UNC79: variants seen among roughly 807,000 people sequenced by gnomAD.
UNC79 encodes the protein unc-79 subunit of NALCN channel complex.
Under a neutral mutation model 283.1 loss-of-function variants are expected in UNC79, and 37 were observed. That is an observed-to-expected ratio of 0.13 (90% CI 0.10 to 0.17). The LOEUF is 0.17. UNC79 is among the 10% of genes least tolerant of loss of function. The probability of loss-of-function intolerance (pLI) is 1.00; values close to 1 mark genes in which losing one functional copy is unlikely to be tolerated. For synonymous variants in UNC79, 1,107 were observed against 1,200.2 expected (o/e 0.92, Z 1.61); for missense variants, 2,272 against 3,211.1 (o/e 0.71, Z 7.07).
chr14:93,505,735 T>C (rs1203604842), intron 7 of UNC79, among the ~76,000 whole-genome samples: 1 of 151,596 alleles, frequency 6.6e-6, no homozygotes, highest in Non-Finnish European at 1.5e-5. Context: ...TCTCTCTTTT[T>C]TTTTTGCCTC....
chr14:93,682,686 G>A (rs752770328), exon 42 of UNC79: 1 of 1,613,940 alleles, frequency 6.2e-7, no homozygotes, highest in Non-Finnish European at 8.5e-7. Context: ...GATAGCCTCT[G>A]TACCTGGAGT....
chr14:93,550,763 T>C (rs1463041330), intron 14 of UNC79, among the ~76,000 whole-genome samples: 4 of 152,100 alleles, frequency 2.6e-5, no homozygotes, highest in Admixed American at 6.5e-5. Context: ...CCATTTAGAA[T>C]AGAGGTCTCT....
intron 38 of UNC79, 21 bp from the exon 42 acceptor site, chr14:93,659,172 T>G: frequency 1.3e-6 from 2 of 1,580,252 alleles, no homozygotes; most frequent in Non-Finnish European, 1.7e-6. Context: ...AATTTTTACT[T>G]TTTTTCATAT....
At chr14:93,541,848 A>G (rs2061388967) in intron 13 of UNC79, among the ~76,000 whole-genome samples, 1 of 152,098 alleles carries the variant, frequency 6.6e-6, no homozygotes, top group Non-Finnish European at 1.5e-5. Context: ...GACTAAAAAT[A>G]CAAAATATTA....
At chr14:93,520,222 C>A (rs953227745) in intron 7 of UNC79, among the ~76,000 whole-genome samples, 1 of 151,842 alleles carries the variant, frequency 6.6e-6, no homozygotes, top group Non-Finnish European at 1.5e-5. Flanking sequence ...TTAAAGATGT[C>A]GTTCCATTGT....
chr14:93,453,291 A>G (rs911009391), intron 1 of UNC79, among the ~76,000 whole-genome samples: 1 of 152,198 alleles, frequency 6.6e-6, no homozygotes, highest in Non-Finnish European at 1.5e-5. Context: ...GATAATTCAG[A>G]TATGTCTTGA....
chr14:93,369,707 G>C (rs998617492), intron 1 of UNC79, among the ~76,000 whole-genome samples: 1 of 152,154 alleles, frequency 6.6e-6, no homozygotes, highest in African/African-American at 2.4e-5. Context: ...GGTTAGCCAC[G>C]GTAAGTATCA....
rs1182808591 is a variant in UNC79, at chr14:93,474,005, T to C, written c.144-84T>C. 2 of 1,416,554 alleles carry C rather than the reference T, an allele frequency of 1.4e-6. No individual in the cohort carries two copies. The highest frequency in any genetic ancestry group is 1.9e-6 in the Non-Finnish European group (2 of 1,075,728). 87.7% of individuals were successfully genotyped at this position (1,416,554 alleles called of 1,614,324 possible). A position where few individuals can be genotyped will look rare whatever the true frequency, so the allele number is the denominator to read the frequency against. On this transcript the variant is annotated intron_variant, in intron 2 of 48. Transcript: ENST00000555664. The surrounding 1 kb of genome is among the most constrained non-coding windows in gnomAD (Gnocchi z 4.1). ...ATGTGGAATGTATCTGGTGTTTTAT[T>C]ATTTGTTTTAGAGTGTCATTTCAAT...
chr14:93,580,427 G>C, intron 19 of UNC79, 51 bp downstream of exon 19: 1 of 1,529,718 alleles, frequency 6.5e-7, no homozygotes, highest in Non-Finnish European at 8.9e-7. Flanking sequence ...ATTAAAGACT[G>C]CAGTAGCTGA....
At chr14:93,597,047 A>G (rs574221620) in intron 23 of UNC79, among the ~76,000 whole-genome samples, 1 of 152,338 alleles carries the variant, frequency 6.6e-6, no homozygotes, top group African/African-American at 2.4e-5. Flanking sequence ...ATATTTTGAA[A>G]TATAGCTGAA....
intron 35 of UNC79, among the ~76,000 whole-genome samples, chr14:93,648,642 G>A (rs1050137783): frequency 2.6e-5 from 4 of 152,054 alleles, no homozygotes; most frequent in Non-Finnish European, 1.5e-5. Flanking sequence ...TGGGTGTAAC[G>A]GGTGGTCCCA....
In UNC79 at chr14:93,621,667, C is replaced by T; in HGVS notation, c.4434C>T (p.Asp1478=). Reference sequence around the variant, plus strand: ...ATAGAGAGACGGGTGCATTACAAGACAGCCTTCTCCACTGTGTGAGAGAAG... The same window carrying T: ...ATAGAGAGACGGGTGCATTACAAGATAGCCTTCTCCACTGTGTGAGAGAAG... Residue 1478 remains aspartate (D), a synonymous_variant, in exon 30 of 49, where the codon GAC becomes GAT. Coordinates refer to ENST00000555664, the Ensembl canonical transcript of UNC79. This position sits in a 1 kb window ranked among gnomAD's most constrained non-coding sequence, Gnocchi z 4.8. 6.2e-7 allele frequency: 1 copy of T among 1,605,344 alleles called. No homozygotes were observed. The highest frequency in any genetic ancestry group is 1.3e-5 in the African/African-American group (1 of 74,410).
At chr14:93,641,174 C>T (rs147114689) in exon 33 of UNC79, 1 of 1,613,576 alleles carries the variant, frequency 6.2e-7, no homozygotes, top group Non-Finnish European at 8.5e-7. Context: ...GCTATCAGCA[C>T]CAAGCATAGT....
intron 12 of UNC79, among the ~76,000 whole-genome samples, chr14:93,540,090 T>C (rs1444512714): frequency 2.0e-5 from 3 of 152,242 alleles, no homozygotes; most frequent in Non-Finnish European, 4.4e-5. Flanking sequence ...ACCAAGTTGC[T>C]TTTCAAAGCA....
intron 5 of UNC79, among the ~76,000 whole-genome samples, chr14:93,492,935 G>A (rs190770453): frequency 6.6e-6 from 1 of 152,290 alleles, no homozygotes; most frequent in Admixed American, 6.5e-5. Flanking sequence ...GGGCTCCATG[G>A]TTAGTGACAT....
intron 41 of UNC79, among the ~76,000 whole-genome samples, chr14:93,681,616 G>A (rs572976386): frequency 1.4e-4 from 22 of 152,302 alleles, no homozygotes; most frequent in African/African-American, 5.3e-4. Context: ...CAAAATGAAT[G>A]AGAAGGCGGA....
chr14:93,629,996 A>G lies in UNC79; in HGVS notation c.5609-805A>G, dbSNP rs549037974. ...TGAAAAATAATTTGTAGTTACCTAG[A>G]ATAATGTGGGACAGAGTGTTTCCCA... On this transcript the variant is annotated intron_variant, in intron 30 of 48. Coordinates refer to ENST00000555664, the Ensembl canonical transcript of UNC79. Among the ~76,000 whole-genome samples the G allele has an allele frequency of 7.4e-4, 113 of 152,388 alleles. 1 individual carries two copies. Among genetic ancestry groups the G allele is most frequent in the Non-Finnish European group, 1.4e-3 (96 of 68,042 alleles).
chr14:93,460,140 A>G (rs1215221258), intron 1 of UNC79, among the ~76,000 whole-genome samples: 4 of 127,856 alleles, frequency 3.1e-5, no homozygotes, highest in African/African-American at 9.0e-5. Context: ...CATCCTGGCT[A>G]ACACGGTGAA....
At chr14:93,449,734 T>C (rs2056577002) in intron 1 of UNC79, among the ~76,000 whole-genome samples, 1 of 152,146 alleles carries the variant, frequency 6.6e-6, no homozygotes, top group Non-Finnish European at 1.5e-5. Context: ...TGCTCTTCAG[T>C]TTTTTTGAAT....
Sources: gnomAD v4.1 joint callset for allele counts (sites outside exome capture counted in the v4.1 genomes callset) on GRCh38, gnomAD v4.1.1 for gene constraint, Gnocchi (gnomAD v3.1) non-coding constraint, MANE v1.5 for transcripts, NCBI Gene and HGNC (gene_info 2026-07-23, HGNC 2026-07-21) for gene names.